The following BMP6 variants were observed in gnomAD, a reference collection of about 807,000 sequenced individuals.
BMP6 encodes the protein bone morphogenetic protein 6.
In BMP6, 17 loss-of-function variants were observed where a neutral mutation model predicts 54.1. The ratio of observed to expected loss-of-function variants is 0.31; its 90% CI spans 0.22 to 0.47. The LOEUF is 0.47. Ranked by LOEUF, BMP6 falls within the 20% of genes least tolerant of loss-of-function variation. The pLI, the probability that BMP6 is intolerant of heterozygous loss-of-function variation, is 1.00. For missense variants in BMP6, 720 were observed against 690.4 expected (o/e 1.04, Z -0.48); for synonymous variants, 328 against 291.2 (o/e 1.13, Z -1.28).
At chr6:7,790,253 G>A (rs1490008327) in intron 1 of BMP6, among the ~76,000 whole-genome samples, 2 of 152,188 alleles carry the variant, frequency 1.3e-5, no homozygotes, top group South Asian at 2.1e-4. Context: ...AGTGGCTCAC[G>A]CCCGTAACCC....
intron 1 of BMP6, among the ~76,000 whole-genome samples, chr6:7,754,136 G>C (rs1757471627): frequency 6.6e-6 from 1 of 151,948 alleles, no homozygotes. Flanking sequence ...CTTTCTTTTT[G>C]AAACAGAGTC....
At chr6:7,732,088 TG>T (rs1174592351) in intron 1 of BMP6, among the ~76,000 whole-genome samples, 3 of 152,190 alleles carry the variant, frequency 2.0e-5, no homozygotes, top group African/African-American at 7.2e-5. Context: ...TACTTGTATT[TG>T]TAACTAGATA....
chr6:7,879,943 T>G, intron 5 of BMP6, 48 bp from the exon 6 acceptor site: 46 of 1,545,458 alleles, frequency 3.0e-5, no homozygotes, highest in Non-Finnish European at 3.9e-5. Flanking sequence ...ACAAATAGTG[T>G]GAGAAGTGCA....
At position 7,861,359 on chromosome 6, in the gene BMP6, G is replaced by A. The variant is rs553798705; in HGVS notation, c.858-92G>A. The A allele has an allele frequency of 1.7e-5, 26 of 1,497,422 alleles. 1 individual carries two copies. In the African/African-American group the frequency reaches 2.8e-4, roughly 16 times the overall value. The allele number at this position is 1,497,422 out of a possible 1,614,324, so 92.8% of individuals were successfully genotyped here. The stretch of plus-strand genomic sequence containing the variant: ...CTCACAGGTAGATGTGATCTGACTC[G>A]GGCATGTTTTATCCTGACGCTGAGA... On this transcript the variant is annotated intron_variant, in intron 2 of 6. Coordinates refer to ENST00000283147, the MANE Select transcript of BMP6 (RefSeq NM_001718.6).
chr6:7,807,748 AAGAC>A (rs1395823085), intron 1 of BMP6, among the ~76,000 whole-genome samples: 4 of 152,092 alleles, frequency 2.6e-5, no homozygotes, highest in Non-Finnish European at 2.9e-5. Flanking sequence ...AGTCAGAAAG[AAGAC>A]AGAGCAATTC....
intron 1 of BMP6, among the ~76,000 whole-genome samples, chr6:7,770,580 C>A (rs1424205290): frequency 6.6e-6 from 1 of 152,244 alleles, no homozygotes; most frequent in African/African-American, 2.4e-5. Flanking sequence ...GGAGTCATTA[C>A]TGTCAATTTG....
At chr6:7,793,428 T>G (rs1758141024) in intron 1 of BMP6, among the ~76,000 whole-genome samples, 1 of 152,192 alleles carries the variant, frequency 6.6e-6, no homozygotes, top group South Asian at 2.1e-4. Context: ...AAATACTGTA[T>G]GATACTACAA....
intron 4 of BMP6, among the ~76,000 whole-genome samples, chr6:7,869,371 G>A (rs1033428756): frequency 2.6e-5 from 4 of 152,272 alleles, no homozygotes; most frequent in Non-Finnish European, 4.4e-5. Context: ...GGCTCTTCAG[G>A]AGGGCCAGAT....
At chr6:7,835,355 G>T (rs1205567421) in intron 1 of BMP6, among the ~76,000 whole-genome samples, 1 of 152,106 alleles carries the variant, frequency 6.6e-6, no homozygotes, top group Non-Finnish European at 1.5e-5. Context: ...CTTGTGATCC[G>T]CCCAAAGTGC....
chr6:7,772,025 G>A (rs1410828942), intron 1 of BMP6, among the ~76,000 whole-genome samples: 1 of 149,826 alleles, frequency 6.7e-6, no homozygotes, highest in Non-Finnish European at 1.5e-5. Flanking sequence ...TTGCACTCCA[G>A]CCTGGGCGAC....
chr6:7,866,456 A>T (rs1333212952), intron 4 of BMP6, among the ~76,000 whole-genome samples: 1 of 152,132 alleles, frequency 6.6e-6, no homozygotes, highest in Non-Finnish European at 1.5e-5. Context: ...TCACTATTTT[A>T]TCTTCTGGGG....
intron 1 of BMP6, among the ~76,000 whole-genome samples, chr6:7,734,088 T>G (rs1761916904): frequency 1.3e-5 from 2 of 152,164 alleles, no homozygotes; most frequent in African/African-American, 2.4e-5. Context: ...TTTTCCAATG[T>G]GAATATGTAG....
chr6:7,827,325 CT>C (rs1758713004), intron 1 of BMP6, among the ~76,000 whole-genome samples: 1 of 152,202 alleles, frequency 6.6e-6, no homozygotes, highest in South Asian at 2.1e-4. Flanking sequence ...TAACTTTATA[CT>C]GAGATACTCT....
chr6:7,821,531 G>GA (rs1758611208), intron 1 of BMP6, among the ~76,000 whole-genome samples: 1 of 152,124 alleles, frequency 6.6e-6, no homozygotes. Context: ...AATAATAAAA[G>GA]AAAAATTAAG....
In BMP6 at chr6:7,727,316, C is replaced by G. The variant is rs1420982773; in HGVS notation, c.361C>G (p.Arg121Gly). 1.2e-6 allele frequency: 2 copies of G among 1,608,784 alleles called. No individual in the cohort carries two copies. The highest frequency in any genetic ancestry group is 1.3e-5 in the African/African-American group (1 of 74,838). The change falls in exon 1 of 7, where the codon CGC (arginine) becomes GGC (glycine). Residue 121 changes from arginine (R) to glycine (G), a missense_variant. Transcript: ENST00000283147. Reference protein sequence around the residue: ...EEQQQQQQLPRGEPPPGRLKS... With the variant: ...EEQQQQQQLPGGEPPPGRLKS... ...GCAGCAGCAGCAGCAGCAGCTGCCT[C>G]GCGGAGAGCCCCCTCCCGGGCGACT... is the stretch of plus-strand genomic sequence containing the variant.
chr6:7,734,324 G>A (rs144960280), intron 1 of BMP6, among the ~76,000 whole-genome samples: 34 of 152,250 alleles, frequency 2.2e-4, no homozygotes, highest in Middle Eastern at 3.4e-3. Context: ...CTGTTTGTTC[G>A]CAGTTAAATT....
intron 1 of BMP6, among the ~76,000 whole-genome samples, chr6:7,747,759 G>A (rs1002730597): frequency 2.6e-5 from 4 of 151,900 alleles, no homozygotes; most frequent in South Asian, 2.1e-4. Context: ...CGATCCTCTC[G>A]CCTCAGCCTC....
chr6:7,855,042 G>A (rs1296931542), intron 2 of BMP6, among the ~76,000 whole-genome samples: 2 of 152,198 alleles, frequency 1.3e-5, no homozygotes, highest in African/African-American at 4.8e-5. Context: ...CTCACCTGCA[G>A]TTCTGTTTAT....
At chr6:7,862,793 C>T (rs1759357529) in intron 4 of BMP6, among the ~76,000 whole-genome samples, 1 of 152,082 alleles carries the variant, frequency 6.6e-6, no homozygotes, top group Non-Finnish European at 1.5e-5. Context: ...TTTTTAAATT[C>T]CCATCAAAAC....
Sources: allele counts gnomAD v4.1 joint callset (sites outside exome capture counted in the v4.1 genomes callset), GRCh38; gene constraint gnomAD v4.1.1; transcripts MANE v1.5; gene names NCBI Gene and HGNC (gene_info 2026-07-23, HGNC 2026-07-21).